KSR2: variants seen among roughly 807,000 people sequenced by gnomAD.
KSR2 encodes the protein kinase suppressor of ras 2.
A neutral mutation model predicts 107.8 loss-of-function variants in KSR2; 25 were observed. The ratio of observed to expected loss-of-function variants is 0.23; its 90% CI spans 0.17 to 0.32. The LOEUF (loss-of-function observed/expected upper bound fraction) is 0.32, where lower values mean the gene tolerates loss of function less well. KSR2 is among the 10% of genes least tolerant of loss of function. The pLI is 1.00. For synonymous variants in KSR2, 480 were observed against 507.0 expected (o/e 0.95, Z 0.71); for missense variants, 887 against 1,268.9 (o/e 0.70, Z 4.57).
At chr12:117,727,914 C>T (rs1452890163) in intron 4 of KSR2, among the ~76,000 whole-genome samples, 3 of 152,152 alleles carry the variant, frequency 2.0e-5, no homozygotes, top group Admixed American at 1.3e-4. Context: ...ATACAACACA[C>T]GGATGTATCT....
In KSR2 at chr12:117,710,794, C is replaced by T. The variant is rs896087345; in HGVS notation, c.987-43136G>A. Among the ~76,000 whole-genome samples the T allele has an allele frequency of 9.9e-5, 15 of 151,878 alleles. 1 individual carries two copies. The highest frequency in any genetic ancestry group is 3.6e-4 in the African/African-American group (15 of 41,338). On this transcript the variant is annotated intron_variant, in intron 4 of 19. Coordinates refer to ENST00000339824, the MANE Select transcript of KSR2 (RefSeq NM_173598.6). ...TGATATTTTTTTAATGCATGCTCTG[C>T]CCCCTTCATAATTCCCTGGTGCACT...
intron 3 of KSR2, among the ~76,000 whole-genome samples, chr12:117,844,152 A>G (rs1892610575): frequency 6.6e-6 from 1 of 152,032 alleles, no homozygotes. Context: ...CTCATGTCAC[A>G]TAAAAGGCAA....
At chr12:117,957,767 A>ACACG (rs1555261449) in intron 1 of KSR2, among the ~76,000 whole-genome samples, 1 of 150,362 alleles carries the variant, frequency 6.7e-6, no homozygotes, top group African/African-American at 2.4e-5. Flanking sequence ...ACACACACAC[A>ACACG]CACACGCACA....
chr12:117,679,544 C>A (rs1320886725), intron 4 of KSR2, among the ~76,000 whole-genome samples: 2 of 152,194 alleles, frequency 1.3e-5, no homozygotes, highest in Non-Finnish European at 2.9e-5. Flanking sequence ...CAGCACAGAC[C>A]TGGCCATGAG....
At chr12:117,779,926 A>G (rs1339153089) in intron 3 of KSR2, among the ~76,000 whole-genome samples, 2 of 152,208 alleles carry the variant, frequency 1.3e-5, no homozygotes, top group African/African-American at 4.8e-5. Flanking sequence ...CCCCAGGCAG[A>G]ATGTGTGCAT....
chr12:117,709,413 T>C (rs900838062), intron 4 of KSR2, among the ~76,000 whole-genome samples: 1 of 152,112 alleles, frequency 6.6e-6, no homozygotes, highest in Non-Finnish European at 1.5e-5. Flanking sequence ...AGCTCACTAC[T>C]CCCGGGCTCA....
intron 1 of KSR2, among the ~76,000 whole-genome samples, chr12:117,929,832 A>G (rs1895647533): frequency 1.3e-5 from 2 of 152,186 alleles, no homozygotes; most frequent in South Asian, 4.1e-4. Context: ...CAGAAAGTAG[A>G]ATAGATGTTA....
chr12:117,803,620 A>G (rs964798986), intron 3 of KSR2, among the ~76,000 whole-genome samples: 7 of 152,112 alleles, frequency 4.6e-5, no homozygotes, highest in Non-Finnish European at 8.8e-5. Context: ...GGAGAATGGC[A>G]TGAACCCGGG....
chr12:117,677,423 G>C (rs956603909), intron 4 of KSR2, among the ~76,000 whole-genome samples: 9 of 152,190 alleles, frequency 5.9e-5, no homozygotes, highest in African/African-American at 2.2e-4. Context: ...GACACAGCAA[G>C]AGGACGGCCA....
At chr12:117,808,813 G>A (rs1362829515) in intron 3 of KSR2, among the ~76,000 whole-genome samples, 1 of 152,174 alleles carries the variant, frequency 6.6e-6, no homozygotes, top group Non-Finnish European at 1.5e-5. Context: ...GCCACATCTA[G>A]ATGACATTTC....
At chr12:117,545,778 T>G (rs1239482154) in intron 9 of KSR2, among the ~76,000 whole-genome samples, 1 of 152,130 alleles carries the variant, frequency 6.6e-6, no homozygotes, top group Non-Finnish European at 1.5e-5. Context: ...ATAGCTAGAG[T>G]ATTTTTGAGT....
intron 3 of KSR2, among the ~76,000 whole-genome samples, chr12:117,822,889 T>C (rs759367838): frequency 1.3e-5 from 2 of 152,104 alleles, no homozygotes; most frequent in Non-Finnish European, 2.9e-5. Context: ...CTGTGTGTGA[T>C]TAAAAACTGG....
Position 117,525,024 on chromosome 12 carries a change from C to T in KSR2, c.2047G>A (p.Gly683Ser). 1 of 1,613,984 alleles carries T rather than the reference C, an allele frequency of 6.2e-7. No homozygotes were observed. The highest frequency in any genetic ancestry group is 8.5e-7 in the Non-Finnish European group (1 of 1,179,892). The part of the protein sequence containing the change: ...GKGRFGQVYH[G>S]RWHGEVAIRL... ...ATGGCCACCTCGCCATGCCAGCGGCCGTGGTACACTTGCCCAAAGCGGCCC... is the reference window on the plus strand; with the variant it reads ...ATGGCCACCTCGCCATGCCAGCGGCTGTGGTACACTTGCCCAAAGCGGCCC... The change falls in exon 14 of 20, where the codon GGC becomes AGC. Residue 683 changes from glycine (G) to serine (S), a missense_variant. Gly to Ser is a moderately conservative substitution (Grantham distance 56). Transcript: ENST00000339824.
At chr12:117,866,137 A>T (rs1056711504) in intron 1 of KSR2, among the ~76,000 whole-genome samples, 3 of 150,802 alleles carry the variant, frequency 2.0e-5, no homozygotes, top group African/African-American at 7.4e-5. Context: ...CCTGGGCTCA[A>T]GCCATCCTCC....
intron 4 of KSR2, among the ~76,000 whole-genome samples, chr12:117,717,619 C>A (rs1887035013): frequency 1.3e-5 from 2 of 151,622 alleles, no homozygotes; most frequent in Admixed American, 1.3e-4. Context: ...ACATCTGTTA[C>A]TTTAGTCTAT....
At chr12:117,470,067 T>A (rs1871346651) in intron 18 of KSR2, among the ~76,000 whole-genome samples, 2 of 151,554 alleles carry the variant, frequency 1.3e-5, no homozygotes, top group South Asian at 4.2e-4. Context: ...CACTCTTCCA[T>A]CCTTCATCCA....
At chr12:117,841,658 A>G (rs934926435) in intron 3 of KSR2, among the ~76,000 whole-genome samples, 3 of 152,214 alleles carry the variant, frequency 2.0e-5, no homozygotes, top group African/African-American at 4.8e-5. Flanking sequence ...GACCACTCAG[A>G]GTTAAGGAGA....
chr12:117,793,739 AC>A (rs1409372383), intron 3 of KSR2, among the ~76,000 whole-genome samples: 3 of 143,350 alleles, frequency 2.1e-5, no homozygotes, highest in South Asian at 2.3e-4. Context: ...ATGCACTCAT[AC>A]CATGCACATA....
chr12:117,838,815 T>C (rs1329490718), intron 3 of KSR2, among the ~76,000 whole-genome samples: 2 of 152,216 alleles, frequency 1.3e-5, no homozygotes, highest in African/African-American at 4.8e-5. Flanking sequence ...TAATTGACAC[T>C]CACTATTTCT....
Sources: allele counts gnomAD v4.1 joint callset (sites outside exome capture counted in the v4.1 genomes callset), GRCh38; gene constraint gnomAD v4.1.1; transcripts MANE v1.5; gene names NCBI Gene and HGNC (gene_info 2026-07-23, HGNC 2026-07-21).